PPP2R2B: variants seen among roughly 807,000 people sequenced by gnomAD.
PPP2R2B encodes the protein protein phosphatase 2 regulatory subunit Bbeta, also known as serine/threonine-protein phosphatase 2A 55 kDa regulatory subunit B beta isoform.
In PPP2R2B, 5 loss-of-function variants were observed where a neutral mutation model predicts 46.0. That is an observed-to-expected ratio of 0.11 (90% CI 0.06 to 0.23). The LOEUF (loss-of-function observed/expected upper bound fraction) is 0.23, where lower values mean the gene tolerates loss of function less well. Among genes scored for constraint, PPP2R2B ranks in the 10% least tolerant of loss-of-function variants. The pLI is 1.00. For missense variants in PPP2R2B, 367 were observed against 575.0 expected, an observed-to-expected ratio of 0.64 and a Z score of 3.70; for synonymous variants, 215 against 206.7, an observed-to-expected ratio of 1.04 and a Z score of -0.34.
chr5:146,795,429 A>C (rs1756469068), intron 2 of PPP2R2B, among the ~76,000 whole-genome samples: 1 of 152,146 alleles, frequency 6.6e-6, no homozygotes, highest in Admixed American at 6.5e-5. Context: ...GAAATGAACC[A>C]CACACAGAAA....
chr5:146,786,981 T>C (rs1468344900), intron 2 of PPP2R2B, among the ~76,000 whole-genome samples: 2 of 152,230 alleles, frequency 1.3e-5, no homozygotes, highest in Non-Finnish European at 2.9e-5. Context: ...TGTTCATTTT[T>C]CATAATAAAT....
chr5:146,808,081 G>A (rs1025695904), intron 2 of PPP2R2B, among the ~76,000 whole-genome samples: 1 of 151,870 alleles, frequency 6.6e-6, no homozygotes, highest in Non-Finnish European at 1.5e-5. Flanking sequence ...GATTACAGAC[G>A]TGAGCCACCG....
intron 1 of PPP2R2B, among the ~76,000 whole-genome samples, chr5:147,019,290 T>C (rs1755150252): frequency 6.6e-6 from 1 of 152,196 alleles, no homozygotes; most frequent in Admixed American, 6.5e-5. Flanking sequence ...AAGATACAAC[T>C]GTGATCTGCT....
intron 1 of PPP2R2B, among the ~76,000 whole-genome samples, chr5:147,036,879 G>A (rs1756063756): frequency 6.6e-6 from 1 of 152,152 alleles, no homozygotes; most frequent in Non-Finnish European, 1.5e-5. Context: ...TGGTTGCAAT[G>A]GAGAGGAAGT....
At chr5:146,829,009 GGTAA>G (rs1332061910) in intron 2 of PPP2R2B, among the ~76,000 whole-genome samples, 1 of 152,068 alleles carries the variant, frequency 6.6e-6, no homozygotes, top group African/African-American at 2.4e-5. Context: ...GAGAAGAACG[GGTAA>G]GTGAGCTGAA....
intron 1 of PPP2R2B, among the ~76,000 whole-genome samples, chr5:146,934,313 TC>T (rs1764068262): frequency 6.6e-6 from 1 of 151,400 alleles, no homozygotes; most frequent in African/African-American, 2.4e-5. Flanking sequence ...GTAAAAGTGT[TC>T]CTATTTCTCC....
intron 1 of PPP2R2B, among the ~76,000 whole-genome samples, chr5:146,908,514 G>A (rs1749250487): frequency 6.7e-6 from 1 of 149,494 alleles, no homozygotes; most frequent in South Asian, 2.1e-4. Flanking sequence ...ACGTAATAAA[G>A]AAATTGTTAG....
chr5:146,758,928 T>A (rs1330112917), intron 2 of PPP2R2B, among the ~76,000 whole-genome samples: 1 of 151,438 alleles, frequency 6.6e-6, no homozygotes, highest in Non-Finnish European at 1.5e-5. Context: ...TACATGGAAT[T>A]TTTTTTTTCC....
intron 2 of PPP2R2B, among the ~76,000 whole-genome samples, chr5:146,760,630 C>G (rs1031833532): frequency 6.6e-6 from 1 of 152,018 alleles, no homozygotes; most frequent in Non-Finnish European, 1.5e-5. Context: ...TCAGAAGAGA[C>G]CTCAGAAGTT....
chr5:146,834,900 T>C (rs1759186763), intron 2 of PPP2R2B, among the ~76,000 whole-genome samples: 2 of 152,226 alleles, frequency 1.3e-5, no homozygotes, highest in Admixed American at 1.3e-4. Context: ...CCTGCATTAG[T>C]TGGCTTAGGA....
intron 2 of PPP2R2B, among the ~76,000 whole-genome samples, chr5:146,853,811 T>C (rs1296254709): frequency 1.3e-5 from 2 of 152,074 alleles, no homozygotes; most frequent in African/African-American, 2.4e-5. Context: ...ACCATCATCT[T>C]GACTACCATT....
intron 1 of PPP2R2B, among the ~76,000 whole-genome samples, chr5:147,003,241 A>T (rs1754272380): frequency 6.6e-6 from 1 of 151,940 alleles, no homozygotes; most frequent in Admixed American, 6.6e-5. Flanking sequence ...CCTTCCTATT[A>T]ATGATAAGCC....
At chr5:147,007,141 G>A (rs116570448) in intron 1 of PPP2R2B, among the ~76,000 whole-genome samples, 14 of 152,080 alleles carry the variant, frequency 9.2e-5, no homozygotes, top group Non-Finnish European at 1.5e-4. Flanking sequence ...GGACTGACCC[G>A]CTGGTCCTTT....
chr5:146,812,546 A>T (rs1263992900), intron 2 of PPP2R2B, among the ~76,000 whole-genome samples: 1 of 13,900 alleles, frequency 7.2e-5, no homozygotes, highest in African/African-American at 2.3e-4. Context: ...AGAGTTACTT[A>T]GTCCTCAGAA....
upstream of PPP2R2B, chr5:147,081,434 T>A: frequency 1.3e-6 from 1 of 785,060 alleles, no homozygotes; most frequent in Non-Finnish European, 2.0e-6. Context: ...CGTCCTGGAG[T>A]GGTTACGAAG....
intron 1 of PPP2R2B, among the ~76,000 whole-genome samples, chr5:146,989,910 C>T (rs908125454): frequency 6.6e-6 from 1 of 151,410 alleles, no homozygotes; most frequent in Non-Finnish European, 1.5e-5. Flanking sequence ...TTGCAGGATA[C>T]AAAATCAACA....
chr5:146,809,196 G>T (rs941081363), intron 2 of PPP2R2B, among the ~76,000 whole-genome samples: 2 of 152,112 alleles, frequency 1.3e-5, no homozygotes, highest in African/African-American at 4.8e-5. Flanking sequence ...CCTTCTATGT[G>T]GCCGTCAGGC....
intron 2 of PPP2R2B, among the ~76,000 whole-genome samples, chr5:146,729,752 C>T (rs566694538): frequency 3.9e-5 from 6 of 152,316 alleles, no homozygotes; most frequent in South Asian, 2.1e-4. Context: ...CCTGTGGGTG[C>T]ACAGAAGTGA....
At chr5:146,976,108 TTTATTATTATTATTATTATTA>T (rs143212984) in intron 1 of PPP2R2B, among the ~76,000 whole-genome samples, 1 of 130,698 alleles carries the variant, frequency 7.7e-6, no homozygotes, top group East Asian at 2.1e-4. Context: ...TTTTAAAAAA[TTTATTATTATTATTATTATTA>T]TTATTATTAT....
Sources: gnomAD v4.1 joint callset for allele counts (sites outside exome capture counted in the v4.1 genomes callset) on GRCh38, gnomAD v4.1.1 for gene constraint, MANE v1.5 for transcripts, NCBI Gene and HGNC (gene_info 2026-07-23, HGNC 2026-07-21) for gene names.